ARHGAP42: variants seen among roughly 807,000 people sequenced by gnomAD.
ARHGAP42 encodes rho GTPase-activating protein 42.
In ARHGAP42, 63 loss-of-function variants were observed where a neutral mutation model predicts 125.0. That is an observed-to-expected ratio of 0.50 (90% confidence interval 0.41 to 0.62). ARHGAP42 has a LOEUF of 0.62. Among genes scored for constraint, ARHGAP42 ranks in the 20% least tolerant of loss-of-function variants. The pLI, the probability that ARHGAP42 is intolerant of heterozygous loss-of-function variation, is 0.00. For synonymous variants in ARHGAP42, 339 were observed against 351.0 expected, an observed-to-expected ratio of 0.97 and a Z score of 0.38; for missense variants, 766 against 1,024.2, an observed-to-expected ratio of 0.75 and a Z score of 3.44.
chr11:100,764,093 G>A (rs1252569965), intron 1 of ARHGAP42, among the ~76,000 whole-genome samples: 2 of 147,254 alleles, frequency 1.4e-5, no homozygotes, highest in African/African-American at 2.5e-5. Flanking sequence ...TATGATCACA[G>A]CACACTGCAA....
intron 4 of ARHGAP42, among the ~76,000 whole-genome samples, chr11:100,901,535 G>A (rs1866548370): frequency 6.6e-6 from 1 of 152,216 alleles, no homozygotes; most frequent in Non-Finnish European, 1.5e-5. Flanking sequence ...GTCTATGGAG[G>A]CAGTAGACCT....
At chr11:100,916,033 A>G (rs1867053107) in intron 5 of ARHGAP42, among the ~76,000 whole-genome samples, 1 of 152,146 alleles carries the variant, frequency 6.6e-6, no homozygotes, top group South Asian at 2.1e-4. Context: ...GTGCCTTCCT[A>G]CCTGCACAGC....
At position 100,992,461 on chromosome 11, in the gene ARHGAP42, C is replaced by T. The variant is rs1858860084; in HGVS notation, c.*3660C>T. The stretch of plus-strand genomic sequence containing the variant: ...CATTGCTATTTAACTTTGCCTCCTA[C>T]CCTTTTTTGTTACCTTCCAAAATCA... On this transcript the variant is annotated 3_prime_UTR_variant, in exon 24 of 24. Transcript: ENST00000298815. 2 of 1,614,094 alleles carry T rather than the reference C, an allele frequency of 1.2e-6. No homozygotes were observed.
At chr11:100,926,074 A>G (rs1867413271) in intron 6 of ARHGAP42, among the ~76,000 whole-genome samples, 1 of 152,178 alleles carries the variant, frequency 6.6e-6, no homozygotes, top group Non-Finnish European at 1.5e-5. Context: ...TGGTACATAA[A>G]GGTTTGTGGC....
intron 1 of ARHGAP42, among the ~76,000 whole-genome samples, chr11:100,699,635 G>A (rs1384887774): frequency 1.4e-5 from 2 of 144,874 alleles, no homozygotes; most frequent in African/African-American, 2.6e-5. Flanking sequence ...CGATTCTCCT[G>A]CCTCAGCCTC....
At chr11:100,879,673 G>A (rs1392238885) in intron 4 of ARHGAP42, among the ~76,000 whole-genome samples, 2 of 152,056 alleles carry the variant, frequency 1.3e-5, no homozygotes, top group African/African-American at 4.8e-5. Flanking sequence ...CCTGTGAGCT[G>A]CGACCTCCCT....
intron 4 of ARHGAP42, among the ~76,000 whole-genome samples, chr11:100,864,569 T>A (rs747427228): frequency 1.3e-5 from 2 of 152,106 alleles, no homozygotes; most frequent in Non-Finnish European, 2.9e-5. Flanking sequence ...GCATTGCATA[T>A]GTTTAGTGAT....
At position 100,907,271 on chromosome 11, in the gene ARHGAP42, G is replaced by T. The variant is rs148325669; in HGVS notation, c.385-6181G>T. Among the ~76,000 whole-genome samples, 496 of 152,278 alleles carry T rather than the reference G, an allele frequency of 3.3e-3. 3 individuals carry two copies. Among genetic ancestry groups the T allele is most frequent in the African/African-American group, 0.011 (462 of 41,566 alleles). On this transcript the variant is annotated intron_variant, in intron 4 of 23. Transcript: ENST00000298815. ...TCTTCATATGCATGTTACACTTCGG[G>T]TTTCCTCTTTTGTGTATTATCCCTT...
chr11:100,779,169 G>A (rs1330724357), intron 2 of ARHGAP42, among the ~76,000 whole-genome samples: 4 of 151,882 alleles, frequency 2.6e-5, no homozygotes, highest in African/African-American at 9.7e-5. Flanking sequence ...TATACTGGCT[G>A]GGTGCAGTGG....
At chr11:100,950,912 C>T (rs1301955335) in intron 12 of ARHGAP42, among the ~76,000 whole-genome samples, 1 of 151,912 alleles carries the variant, frequency 6.6e-6, no homozygotes, top group Non-Finnish European at 1.5e-5. Flanking sequence ...GATGAGGTCT[C>T]ATTTTGTTGT....
chr11:100,969,694 T>C (rs144322879), intron 17 of ARHGAP42, among the ~76,000 whole-genome samples: 440 of 152,316 alleles, frequency 2.9e-3, no homozygotes, highest in African/African-American at 8.7e-3. Context: ...GATGAAACAT[T>C]GCCACCACAC....
chr11:100,933,284 GTCTC>G (rs1414093804), intron 7 of ARHGAP42, 24 bp downstream of exon 7: 2 of 1,453,336 alleles, frequency 1.4e-6, no homozygotes, highest in African/African-American at 1.4e-5. Context: ...TGTTCTTACT[GTCTC>G]TCAGCAAATC....
chr11:100,984,990 G>GA (rs1350564990), intron 22 of ARHGAP42, among the ~76,000 whole-genome samples: 2 of 152,146 alleles, frequency 1.3e-5, no homozygotes, highest in Non-Finnish European at 2.9e-5. Context: ...TCAGTGCACA[G>GA]ATAATTGAAA....
intron 4 of ARHGAP42, among the ~76,000 whole-genome samples, chr11:100,882,499 ATT>A (rs34517485): frequency 2.8e-5 from 4 of 141,684 alleles, no homozygotes; most frequent in Non-Finnish European, 3.1e-5. Flanking sequence ...GTTAGCCAGT[ATT>A]TTTTTTTTTT....
chr11:100,750,013 TATTTCTCCTG>T (rs1396142562), intron 1 of ARHGAP42, among the ~76,000 whole-genome samples: 24 of 152,180 alleles, frequency 1.6e-4, no homozygotes, highest in Admixed American at 1.6e-3. Context: ...GATTTCTCCT[TATTTCTCCTG>T]ATTTCTCACC....
intron 4 of ARHGAP42, among the ~76,000 whole-genome samples, chr11:100,861,435 A>AT (rs1429458898): frequency 3.3e-5 from 5 of 152,282 alleles, no homozygotes; most frequent in Admixed American, 1.3e-4. Context: ...TCATATTTGT[A>AT]TTTTAAATGT....
intron 4 of ARHGAP42, among the ~76,000 whole-genome samples, chr11:100,904,681 T>C (rs576059255): frequency 1.3e-5 from 2 of 152,298 alleles, no homozygotes; most frequent in Admixed American, 6.5e-5. Context: ...TGAAGTGCTA[T>C]GGTTTTAATC....
intron 4 of ARHGAP42, among the ~76,000 whole-genome samples, chr11:100,882,153 C>T (rs1865978261): frequency 6.6e-6 from 1 of 152,148 alleles, no homozygotes; most frequent in African/African-American, 2.4e-5. Flanking sequence ...TGACAGTGGG[C>T]ATCCTTGTCT....
intron 4 of ARHGAP42, among the ~76,000 whole-genome samples, chr11:100,889,791 A>C (rs957761126): frequency 6.6e-6 from 1 of 152,186 alleles, no homozygotes; most frequent in African/African-American, 2.4e-5. Flanking sequence ...TACTTTTGGC[A>C]GTGCTCCTTG....
Sources: allele counts gnomAD v4.1 joint callset (sites outside exome capture counted in the v4.1 genomes callset), GRCh38; gene constraint gnomAD v4.1.1; transcripts MANE v1.5; gene names NCBI Gene and HGNC (gene_info 2026-07-23, HGNC 2026-07-21).